Variants in TP63 observed in about 807,000 individuals in gnomAD.
TP63 encodes tumor protein 63.
In TP63, 17 loss-of-function variants were observed where a neutral mutation model predicts 82.8. The observed-to-expected ratio is 0.21, with a 90% confidence interval of 0.14 to 0.31. The LOEUF (loss-of-function observed/expected upper bound fraction) is 0.31. Among genes scored for constraint, TP63 ranks in the 10% least tolerant of loss-of-function variants. TP63 has a pLI of 1.00. For missense variants in TP63, 648 were observed against 895.3 expected (o/e 0.72, Z 3.52); for synonymous variants, 330 against 321.7 (o/e 1.03, Z -0.28).
rs77778969 is a variant in TP63, at chr3:189,731,674, G to A, written c.63-6066G>A. On this transcript the variant is annotated intron_variant, in intron 1 of 13. Transcript: ENST00000264731. ...CTCTTGATGTTTTCAGTTCACTTCTGTAAAGTTCTTTCTTCCTGAATTAAT... is the reference window on the plus strand; with the variant it reads ...CTCTTGATGTTTTCAGTTCACTTCTATAAAGTTCTTTCTTCCTGAATTAAT... Among the ~76,000 whole-genome samples, 5,389 of 152,230 alleles carry A rather than the reference G, an allele frequency of 0.035. 154 individuals carry two copies. Among genetic ancestry groups the A allele is most frequent in the East Asian group, 0.14 (741 of 5,178 alleles).
intron 10 of TP63, among the ~76,000 whole-genome samples, chr3:189,877,368 T>G (rs893908080): frequency 6.6e-6 from 1 of 152,212 alleles, no homozygotes; most frequent in Non-Finnish European, 1.5e-5. Flanking sequence ...TGAGACCTAT[T>G]TAGCAACGTT....
chr3:189,877,089 T>C (rs905654052), intron 10 of TP63, among the ~76,000 whole-genome samples: 1 of 152,202 alleles, frequency 6.6e-6, no homozygotes, highest in South Asian at 2.1e-4. Flanking sequence ...TTTAAAAAAA[T>C]TTCTTCGCGT....
intron 1 of TP63, among the ~76,000 whole-genome samples, chr3:189,638,451 A>G (rs1032856984): frequency 6.6e-6 from 1 of 152,158 alleles, no homozygotes. Flanking sequence ...AGATGCAAGC[A>G]TCTGCTCTTG....
chr3:189,875,616 A>ATATACATATATATATATATATATATACG (rs1560289450), intron 10 of TP63, among the ~76,000 whole-genome samples: 3 of 108,726 alleles, frequency 2.8e-5, no homozygotes, highest in African/African-American at 1.3e-4. Flanking sequence ...ATATATATAT[A>ATATACATATATATATATATATATATACG]TATATATATA....
At chr3:189,792,008 A>T (rs780318891) in intron 3 of TP63, among the ~76,000 whole-genome samples, 90 of 152,084 alleles carry the variant, frequency 5.9e-4, no homozygotes, top group Non-Finnish European at 1.1e-3. Context: ...TAAGAGTGAA[A>T]ATTATTTAAA....
intron 4 of TP63, among the ~76,000 whole-genome samples, chr3:189,815,584 T>C (rs1215788207): frequency 6.6e-6 from 1 of 152,194 alleles, no homozygotes; most frequent in Non-Finnish European, 1.5e-5. Flanking sequence ...GGTTTGCATG[T>C]AATATCTTCA....
At chr3:189,752,056 G>A (rs1322310871) in intron 3 of TP63, among the ~76,000 whole-genome samples, 1 of 152,096 alleles carries the variant, frequency 6.6e-6, no homozygotes, top group Non-Finnish European at 1.5e-5. Flanking sequence ...TAGGAATCCT[G>A]AGATTATCTA....
At chr3:189,786,446 A>C (rs1724604883) in intron 3 of TP63, among the ~76,000 whole-genome samples, 1 of 147,008 alleles carries the variant, frequency 6.8e-6, no homozygotes, top group African/African-American at 2.5e-5. Flanking sequence ...GACATACCTA[A>C]ACACACACAC....
chr3:189,748,846 A>G (rs1365575943), intron 3 of TP63, among the ~76,000 whole-genome samples: 1 of 152,130 alleles, frequency 6.6e-6, no homozygotes, highest in African/African-American at 2.4e-5. Flanking sequence ...ACATAGGTCA[A>G]TGAGACATAA....
intron 4 of TP63, among the ~76,000 whole-genome samples, chr3:189,820,672 T>C (rs1260340270): frequency 6.6e-6 from 1 of 152,238 alleles, no homozygotes; most frequent in East Asian, 1.9e-4. Context: ...ATTTGTTAGT[T>C]AGATGTTTTC....
At chr3:189,839,059 A>AG (rs71175312) in intron 4 of TP63, among the ~76,000 whole-genome samples, 20,620 of 135,132 alleles carry the variant, frequency 0.15, 1,881 homozygotes, top group Admixed American at 0.25. Flanking sequence ...AAAAAAAAAA[A>AG]AAAAAGAAAA....
At chr3:189,768,788 A>C (rs1723128863) in intron 3 of TP63, among the ~76,000 whole-genome samples, 1 of 152,160 alleles carries the variant, frequency 6.6e-6, no homozygotes. Flanking sequence ...GTGAGACTTC[A>C]TGTACAGATT....
chr3:189,740,474 C>T (rs1293915385), intron 3 of TP63, among the ~76,000 whole-genome samples: 3 of 147,672 alleles, frequency 2.0e-5, no homozygotes, highest in East Asian at 2.2e-4. Context: ...CACTGAAGCA[C>T]GTAGTTTTTT....
At chr3:189,881,157 T>G (rs897033170) in intron 10 of TP63, 43 of 984,316 alleles carry the variant, frequency 4.4e-5, no homozygotes, top group Admixed American at 6.2e-5. Flanking sequence ...ACTGATACTG[T>G]TCAGTGCATT....
intron 1 of TP63, among the ~76,000 whole-genome samples, chr3:189,656,358 T>C (rs1477491399): frequency 1.3e-5 from 2 of 152,146 alleles, no homozygotes; most frequent in African/African-American, 4.8e-5. Flanking sequence ...TTAATTGCAA[T>C]TTTTACATAA....
At chr3:189,614,879 A>G in the TP63 span, among the ~76,000 whole-genome samples, 9 of 152,208 alleles carry the variant, frequency 5.9e-5, no homozygotes, top group African/African-American at 1.9e-4. Context: ...AGTCAGCTAT[A>G]AAAGAAAGGC....
chr3:189,684,878 C>T (rs4396878), intron 1 of TP63, among the ~76,000 whole-genome samples: 27,019 of 151,916 alleles, frequency 0.18, 2,434 homozygotes, highest in East Asian at 0.26. Flanking sequence ...ATGATCCACC[C>T]GCCTTAGCCT....
At chr3:189,692,818 A>G (rs1235766809) in intron 1 of TP63, among the ~76,000 whole-genome samples, 1 of 152,024 alleles carries the variant, frequency 6.6e-6, no homozygotes, top group Non-Finnish European at 1.5e-5. Flanking sequence ...TGTTTACTGA[A>G]CTCCTTCTCA....
At chr3:189,657,812 A>G (rs1260315376) in intron 1 of TP63, among the ~76,000 whole-genome samples, 2 of 152,110 alleles carry the variant, frequency 1.3e-5, no homozygotes, top group African/African-American at 4.8e-5. Flanking sequence ...AAGTGTTTGT[A>G]TACTTTCATA....
Sources: allele counts gnomAD v4.1 joint callset (sites outside exome capture counted in the v4.1 genomes callset), GRCh38; gene constraint gnomAD v4.1.1; transcripts MANE v1.5; gene names NCBI Gene and HGNC (gene_info 2026-07-23, HGNC 2026-07-21).